Variants in GNB4 observed in about 807,000 individuals in gnomAD.
The protein encoded by GNB4 is G protein subunit beta 4.
A neutral mutation model predicts 45.2 loss-of-function variants in GNB4; 28 were observed. The ratio of observed to expected loss-of-function variants is 0.62; its 90% CI spans 0.46 to 0.85. The LOEUF is 0.85. GNB4 is among the 40% of genes least tolerant of loss of function. The pLI is 0.00. For missense variants in GNB4, 321 were observed against 425.4 expected (o/e 0.75, Z 2.16); for synonymous variants, 132 against 143.7 (o/e 0.92, Z 0.58).
the GNB4 span, among the ~76,000 whole-genome samples, chr3:179,494,577 G>A: frequency 6.8e-6 from 1 of 146,752 alleles, no homozygotes; most frequent in Admixed American, 6.9e-5. Flanking sequence ...GAAGGAGGGA[G>A]GGAGCGAGGG....
chr3:179,404,877 C>G, intron 9 of GNB4, among the ~76,000 whole-genome samples: 1 of 152,090 alleles, frequency 6.6e-6, no homozygotes, highest in Non-Finnish European at 1.5e-5. Flanking sequence ...TACAATGTTT[C>G]CTGTCAGGTG....
chr3:179,508,001 A>T, the GNB4 span, among the ~76,000 whole-genome samples: 1 of 152,194 alleles, frequency 6.6e-6, no homozygotes, highest in African/African-American at 2.4e-5. Flanking sequence ...TTTGATACTG[A>T]GAGGTTGGGA....
the GNB4 span, among the ~76,000 whole-genome samples, chr3:179,480,857 T>G: frequency 2.1e-3 from 308 of 149,348 alleles, 4 homozygotes; most frequent in African/African-American, 7.2e-3. Flanking sequence ...TTTTTTTCTT[T>G]TTTTTTTTTT....
the GNB4 span, among the ~76,000 whole-genome samples, chr3:179,482,674 CT>C: frequency 6.6e-6 from 1 of 152,186 alleles, no homozygotes; most frequent in East Asian, 1.9e-4. Flanking sequence ...TGTCATCACA[CT>C]GCAGTTAATC....
At chr3:179,404,528 C>G (rs1316964630) in intron 9 of GNB4, among the ~76,000 whole-genome samples, 1 of 151,696 alleles carries the variant, frequency 6.6e-6, no homozygotes, top group African/African-American at 2.4e-5. Context: ...CCCAACAAAA[C>G]AAAACAAAGG....
chr3:179,464,961 A>G, the GNB4 span: 2 of 1,548,810 alleles, frequency 1.3e-6, no homozygotes, highest in Admixed American at 1.7e-5. Context: ...AAAAGTGTTG[A>G]AATGCCCATT....
chr3:179,511,693 T>C, the GNB4 span, among the ~76,000 whole-genome samples: 4 of 152,030 alleles, frequency 2.6e-5, no homozygotes, highest in Non-Finnish European at 4.4e-5. Context: ...AAGCACTTTA[T>C]AAAGTGCTTA....
chr3:179,497,317 C>T, the GNB4 span, among the ~76,000 whole-genome samples: 2 of 151,974 alleles, frequency 1.3e-5, no homozygotes, highest in African/African-American at 4.8e-5. Flanking sequence ...AAGAAGGAAA[C>T]AGACCTTTAT....
chr3:179,454,678 A>G (rs1715951644), upstream of GNB4, among the ~76,000 whole-genome samples: 1 of 152,202 alleles, frequency 6.6e-6, no homozygotes. Context: ...CTCTCAGACG[A>G]TGCCAAGCAC....
chr3:179,463,897 C>T, the GNB4 span, among the ~76,000 whole-genome samples: 2 of 152,148 alleles, frequency 1.3e-5, no homozygotes, highest in Non-Finnish European at 2.9e-5. Flanking sequence ...CTCCACAAAG[C>T]TTGTCAGAAA....
intron 1 of GNB4, among the ~76,000 whole-genome samples, chr3:179,444,244 G>C (rs1715663920): frequency 6.6e-6 from 1 of 151,924 alleles, no homozygotes. Context: ...CCCCCAAAGA[G>C]TTTCCCTGGT....
chr3:179,526,730 G>A, the GNB4 span, among the ~76,000 whole-genome samples: 1 of 152,064 alleles, frequency 6.6e-6, no homozygotes. Flanking sequence ...AGTTTTCTTA[G>A]TCTGGTTGTA....
chr3:179,473,043 G>A, the GNB4 span, among the ~76,000 whole-genome samples: 1 of 152,194 alleles, frequency 6.6e-6, no homozygotes, highest in Admixed American at 6.5e-5. Flanking sequence ...CACGCCTGTA[G>A]TCCCAGCTAC....
At chr3:179,426,010 T>A (rs1715136815) in intron 2 of GNB4, 134 bp downstream of exon 2, 1 of 672,726 alleles carries the variant, frequency 1.5e-6, no homozygotes, top group African/African-American at 1.9e-5. Flanking sequence ...CAGTTCTTAC[T>A]TCGCCATGTG....
chr3:179,406,814 T>C (rs554170721), intron 8 of GNB4, among the ~76,000 whole-genome samples: 1 of 151,980 alleles, frequency 6.6e-6, no homozygotes, highest in Admixed American at 6.6e-5. Flanking sequence ...GGGGTTTCAT[T>C]ATGTTGGCCA....
intron 8 of GNB4, among the ~76,000 whole-genome samples, chr3:179,411,293 T>C (rs1049495489): frequency 4.6e-5 from 7 of 152,108 alleles, no homozygotes; most frequent in Non-Finnish European, 8.8e-5. Flanking sequence ...AATGTCACTG[T>C]TAAAATCATC....
At chr3:179,483,401 A>G in the GNB4 span, among the ~76,000 whole-genome samples, 17 of 152,190 alleles carry the variant, frequency 1.1e-4, no homozygotes, top group African/African-American at 3.1e-4. Flanking sequence ...AATAAATAGT[A>G]TCAATAATAA....
At chr3:179,491,370 C>T in the GNB4 span, among the ~76,000 whole-genome samples, 1 of 152,128 alleles carries the variant, frequency 6.6e-6, no homozygotes, top group Non-Finnish European at 1.5e-5. Flanking sequence ...TATGACAATA[C>T]ATTATGGAAG....
At chr3:179,479,964 A>T in the GNB4 span, among the ~76,000 whole-genome samples, 2 of 152,336 alleles carry the variant, frequency 1.3e-5, no homozygotes, top group Non-Finnish European at 2.9e-5. Context: ...GAATGGATTA[A>T]TGTCAGCTCT....
Sources: allele counts gnomAD v4.1 joint callset (sites outside exome capture counted in the v4.1 genomes callset), GRCh38; gene constraint gnomAD v4.1.1; transcripts MANE v1.5; gene names NCBI Gene and HGNC (gene_info 2026-07-23, HGNC 2026-07-21).